Variants in SMYD3 observed in about 807,000 individuals in gnomAD.
The protein encoded by SMYD3 is SET and MYND domain containing 3.
Under a neutral mutation model 57.7 loss-of-function variants are expected in SMYD3, and 36 were observed. That is an observed-to-expected ratio of 0.62 (90% CI 0.48 to 0.82). The LOEUF is 0.82. SMYD3 is among the 40% of genes least tolerant of loss of function. The pLI is 0.00. For synonymous variants in SMYD3, 211 were observed against 195.0 expected, an observed-to-expected ratio of 1.08 and a Z score of -0.68; for missense variants, 515 against 538.8, an observed-to-expected ratio of 0.96 and a Z score of 0.44.
intron 5 of SMYD3, among the ~76,000 whole-genome samples, chr1:246,226,334 AG>A (rs145801730): frequency 0.059 from 8,996 of 152,270 alleles, 426 homozygotes; most frequent in African/African-American, 0.12. Context: ...ACTTTGCATG[AG>A]TTAAATATCA....
intron 10 of SMYD3, among the ~76,000 whole-genome samples, chr1:245,805,816 T>C (rs918995404): frequency 6.6e-6 from 1 of 152,236 alleles, no homozygotes; most frequent in Non-Finnish European, 1.5e-5. Context: ...GTATCTGCTG[T>C]CTTACCTGAC....
At chr1:245,832,869 A>G (rs553622523) in intron 10 of SMYD3, among the ~76,000 whole-genome samples, 5 of 152,208 alleles carry the variant, frequency 3.3e-5, no homozygotes, top group Non-Finnish European at 7.4e-5. Flanking sequence ...ACTGAAAGGT[A>G]TTGACTTTGC....
chr1:245,858,618 T>C lies in SMYD3; in HGVS notation c.954A>G (p.Glu318=), dbSNP rs1167621502. 1 of 1,614,218 alleles carries C rather than the reference T, an allele frequency of 6.2e-7. No homozygotes were observed. The highest frequency in any genetic ancestry group is 2.2e-5 in the East Asian group (1 of 44,888). The change falls in exon 10 of 12, where the codon GAA becomes GAG. Residue 318 remains glutamate, a synonymous_variant. Transcript: ENST00000490107. ...MCQAIISSNS[E]RLPDINIYQL... is the part of the protein sequence containing the mutation. ...GGTAGATGTTGATATCGGGAAGCCG[T>C]TCAGAATTGCTGCTTATGATTGCCT...
At chr1:246,188,168 G>A (rs913233957) in intron 5 of SMYD3, among the ~76,000 whole-genome samples, 3 of 152,036 alleles carry the variant, frequency 2.0e-5, no homozygotes, top group African/African-American at 4.8e-5. Context: ...GAATGTTGTC[G>A]TGTCTGGCAC....
At chr1:246,431,609 A>C (rs1236117398) in intron 1 of SMYD3, among the ~76,000 whole-genome samples, 1 of 152,190 alleles carries the variant, frequency 6.6e-6, no homozygotes, top group African/African-American at 2.4e-5. Context: ...GTGCGCCTGC[A>C]GTCCCAGCTA....
chr1:245,862,343 T>G (rs1405602767), intron 9 of SMYD3, among the ~76,000 whole-genome samples: 1 of 152,210 alleles, frequency 6.6e-6, no homozygotes, highest in East Asian at 1.9e-4. Flanking sequence ...TTGTTAAATT[T>G]TGCTATTTAC....
intron 5 of SMYD3, among the ~76,000 whole-genome samples, chr1:246,125,037 A>AGT (rs2061485741): frequency 7.2e-6 from 1 of 139,438 alleles, no homozygotes; most frequent in African/African-American, 2.8e-5. Flanking sequence ...GCGCCACTGC[A>AGT]CTCCAGCCTG....
chr1:246,502,855 T>C (rs1385518581), intron 1 of SMYD3, among the ~76,000 whole-genome samples: 2 of 152,160 alleles, frequency 1.3e-5, no homozygotes, highest in Admixed American at 1.3e-4. Flanking sequence ...ACACAGTCTT[T>C]TGTCATGACG....
At chr1:245,990,197 G>A (rs964413104) in intron 5 of SMYD3, among the ~76,000 whole-genome samples, 1 of 152,054 alleles carries the variant, frequency 6.6e-6, no homozygotes, top group African/African-American at 2.4e-5. Context: ...ATCGTCCTGA[G>A]TAGCTGGGAC....
intron 5 of SMYD3, among the ~76,000 whole-genome samples, chr1:246,070,977 T>A (rs2060432452): frequency 6.6e-6 from 1 of 152,190 alleles, no homozygotes; most frequent in Non-Finnish European, 1.5e-5. Flanking sequence ...TATTACAGAT[T>A]TCAAGTAAGT....
At chr1:246,086,347 A>T (rs1411941222) in intron 5 of SMYD3, among the ~76,000 whole-genome samples, 1 of 152,118 alleles carries the variant, frequency 6.6e-6, no homozygotes, top group African/African-American at 2.4e-5. Context: ...CTGGTGTGAC[A>T]GTTTTTGCGC....
intron 5 of SMYD3, among the ~76,000 whole-genome samples, chr1:245,995,088 T>C (rs1303299616): frequency 6.6e-6 from 1 of 151,806 alleles, no homozygotes; most frequent in African/African-American, 2.4e-5. Flanking sequence ...CAAGACTCCG[T>C]CTCAAAAAAA....
rs141810719 is a variant in SMYD3 at position 246,178,189 on chromosome 1, T to C, written c.531+149012A>G. Among the ~76,000 whole-genome samples, 229 of 152,286 alleles carry C rather than the reference T, an allele frequency of 1.5e-3. 2 individuals are homozygous for C. Among genetic ancestry groups the C allele is most frequent in the African/African-American group, 5.0e-3 (206 of 41,568 alleles). On this transcript the variant is annotated intron_variant, in intron 5 of 11. Transcript: ENST00000490107. ...ATCGCAACTGTAAATCTGGGATGGA[T>C]GTTCAATTGCCAGTCACCTGAATGA...
At chr1:246,253,064 A>C (rs1176033622) in intron 5 of SMYD3, among the ~76,000 whole-genome samples, 1 of 152,200 alleles carries the variant, frequency 6.6e-6, no homozygotes, top group Admixed American at 6.5e-5. Flanking sequence ...AAAAGGATGA[A>C]AATATGTGCC....
chr1:246,214,921 A>G (rs1278700253), intron 5 of SMYD3, among the ~76,000 whole-genome samples: 1 of 152,186 alleles, frequency 6.6e-6, no homozygotes, highest in African/African-American at 2.4e-5. Flanking sequence ...TCTATTATCA[A>G]ATACATTTTT....
At chr1:246,174,683 G>A (rs10924531) in intron 5 of SMYD3, among the ~76,000 whole-genome samples, 26,744 of 152,134 alleles carry the variant, frequency 0.18, 3,223 homozygotes, top group African/African-American at 0.32. Context: ...CTGAGTTCAG[G>A]TGACCCTCCC....
At chr1:245,887,287 G>A (rs976420147) in intron 8 of SMYD3, among the ~76,000 whole-genome samples, 3 of 152,124 alleles carry the variant, frequency 2.0e-5, no homozygotes, top group Non-Finnish European at 4.4e-5. Context: ...GTTTACAAAT[G>A]CCATGGCAAC....
At chr1:246,163,802 C>T (rs2062161038) in intron 5 of SMYD3, among the ~76,000 whole-genome samples, 2 of 152,206 alleles carry the variant, frequency 1.3e-5, no homozygotes, top group South Asian at 2.1e-4. Context: ...ATGCTATCAG[C>T]CCCACTGCAT....
intron 11 of SMYD3, among the ~76,000 whole-genome samples, chr1:245,757,383 A>ATTTATTTATTTT (rs1337384280): frequency 1.3e-5 from 2 of 151,888 alleles, no homozygotes; most frequent in African/African-American, 4.8e-5. Context: ...GTTGCTTTTT[A>ATTTATTTATTTT]TTTTGTTGAT....
Sources: allele counts gnomAD v4.1 joint callset (sites outside exome capture counted in the v4.1 genomes callset), GRCh38; gene constraint gnomAD v4.1.1; transcripts MANE v1.5; gene names NCBI Gene and HGNC (gene_info 2026-07-23, HGNC 2026-07-21).